The following BDNF variants were observed in gnomAD, a reference collection of about 807,000 sequenced individuals.
BDNF encodes the protein brain derived neurotrophic factor.
Under a neutral mutation model 19.5 loss-of-function variants are expected in BDNF, and 1 was observed. That is an observed-to-expected ratio of 0.05 (90% confidence interval 0.02 to 0.24). The LOEUF (loss-of-function observed/expected upper bound fraction) is 0.24, where lower values mean the gene tolerates loss of function less well. Among genes scored for constraint, BDNF ranks in the 10% least tolerant of loss-of-function variants. BDNF has a pLI of 1.00. For synonymous variants in BDNF, 100 were observed against 121.6 expected (o/e 0.82, Z 1.17); for missense variants, 195 against 317.6 (o/e 0.61, Z 2.93).
chr11:27,710,756 G>T (rs572627078), intron 1 of BDNF, among the ~76,000 whole-genome samples: 1 of 152,138 alleles, frequency 6.6e-6, no homozygotes, highest in Non-Finnish European at 1.5e-5. Context: ...GTAACAGTTC[G>T]CAAAGGCAAA....
upstream of BDNF, among the ~76,000 whole-genome samples, chr11:27,702,835 AC>A (rs1859962779): frequency 6.6e-6 from 1 of 152,236 alleles, no homozygotes; most frequent in Admixed American, 6.5e-5. Context: ...ACAGTGAAGT[AC>A]CAGGGACAAG....
In BDNF at chr11:27,658,189, C is replaced by A; in HGVS notation, c.376G>T (p.Val126Phe). ...CGGGCAGGGTCAGAGTGGCGCCGGA[C>A]CCTCATGGACATGTTTGCAGCATCT... Reference protein sequence around the residue: ...YLDAANMSMRVRRHSDPARRG... With the variant: ...YLDAANMSMRFRRHSDPARRG... The change falls in exon 2 of 2, where the codon GTC (valine) becomes TTC (phenylalanine). Residue 126 changes from valine to phenylalanine, a missense_variant. Val to Phe is a conservative substitution (Grantham distance 50, BLOSUM62 -1). Transcript: ENST00000356660. This position sits in a 1 kb window ranked among gnomAD's most constrained non-coding sequence, Gnocchi z 5.7. 2 of 1,614,090 alleles carry A rather than the reference C, an allele frequency of 1.2e-6. No individual in the cohort carries two copies. The highest frequency in any genetic ancestry group is 1.7e-6 in the Non-Finnish European group (2 of 1,180,030).
At chr11:27,717,510 T>A (rs1329612815) in intron 1 of BDNF, among the ~76,000 whole-genome samples, 4 of 152,224 alleles carry the variant, frequency 2.6e-5, no homozygotes, top group African/African-American at 9.6e-5. Context: ...GATGCTCATA[T>A]TCTCATCTGA....
chr11:27,676,053 G>C (rs1856053950), intron 1 of BDNF: 1 of 152,228 alleles, frequency 6.6e-6, no homozygotes, highest in African/African-American at 2.4e-5. Flanking sequence ...GCCATTGTCA[G>C]CTCTTGGAAG....
At position 27,656,939 on chromosome 11, in the gene BDNF, AGAG is replaced by A. The variant is rs1036370932; in HGVS notation, c.*879_*881del. On this transcript the variant is annotated 3_prime_UTR_variant, in exon 2 of 2. Coordinates refer to ENST00000356660, the MANE Select transcript of BDNF (RefSeq NM_001709.5). ...ATTTTTCTTCCTTAAAACAAAACAAAGAGGAGACCAGAGGGGGAGGGGGGGAAA... is the reference window on the plus strand; with the variant it reads ...ATTTTTCTTCCTTAAAACAAAACAAAGAGACCAGAGGGGGAGGGGGGGAAA... 5.1e-6 allele frequency: 5 copies of A among 985,262 alleles called. No individual in the cohort carries two copies. In the African/African-American group the frequency reaches 8.7e-5, roughly 17 times the overall value. The allele number at this position is 985,262 out of a possible 1,614,324, so 61.0% of individuals were successfully genotyped here.
chr11:27,701,399 G>T, upstream of BDNF: 6 of 1,033,720 alleles, frequency 5.8e-6, no homozygotes, highest in Non-Finnish European at 5.8e-6. Context: ...CGTTCCCTTC[G>T]CTTAATTAAA....
upstream of BDNF, chr11:27,700,519 C>CGGGGGGGGG: frequency 1.3e-6 from 1 of 759,758 alleles, no homozygotes; most frequent in Non-Finnish European, 1.5e-6. Context: ...CAAACGGCGC[C>CGGGGGGGGG]GCCCCCCCCC....
Position 27,656,449 on chromosome 11 carries a change from A to G in BDNF, c.*1372T>C. On this transcript the variant is annotated 3_prime_UTR_variant, in exon 2 of 2. Transcript: ENST00000356660. Reference sequence around the variant, plus strand: ...AGGTCCAAGCAGCTTGACACATGTCATTCCAGAGCCACCTCTGAAGGGTCC... The same window carrying G: ...AGGTCCAAGCAGCTTGACACATGTCGTTCCAGAGCCACCTCTGAAGGGTCC... The G allele has an allele frequency of 1.3e-5, 10 of 786,702 alleles. No individual in the cohort carries two copies. Among genetic ancestry groups the G allele is most frequent in the Non-Finnish European group, 1.5e-5 (10 of 648,462 alleles). 48.7% of individuals were successfully genotyped at this position (786,702 alleles called of 1,614,324 possible). A position where few individuals can be genotyped will look rare whatever the true frequency, so the allele number is the denominator to read the frequency against.
intron 1 of BDNF, chr11:27,719,591 C>T: frequency 1.0e-6 from 1 of 984,844 alleles, no homozygotes; most frequent in Non-Finnish European, 1.2e-6. Context: ...AAAGCGGGAA[C>T]CCTCTAAGCC....
intron 1 of BDNF, among the ~76,000 whole-genome samples, chr11:27,714,933 G>GAA (rs1397049540): frequency 6.6e-6 from 1 of 151,960 alleles, no homozygotes; most frequent in Non-Finnish European, 1.5e-5. Context: ...GTGTTCTCTT[G>GAA]AAAAAAGGAA....
At chr11:27,660,969 C>A (rs996682122) in intron 1 of BDNF, among the ~76,000 whole-genome samples, 4 of 152,144 alleles carry the variant, frequency 2.6e-5, no homozygotes, top group Non-Finnish European at 4.4e-5. Flanking sequence ...CTGCCTTTCA[C>A]TGATCTTATC....
intron 1 of BDNF, chr11:27,720,736 G>A: frequency 1.0e-6 from 1 of 986,050 alleles, no homozygotes; most frequent in African/African-American, 1.7e-5. Context: ...GGCACAGCAG[G>A]AGGAAAAGGC....
intron 1 of BDNF, among the ~76,000 whole-genome samples, chr11:27,661,961 A>G (rs1590235196): frequency 6.6e-6 from 1 of 151,884 alleles, no homozygotes; most frequent in African/African-American, 2.4e-5. Context: ...CTAAAATTCC[A>G]CATTACATCT....
At chr11:27,701,146 AT>A, upstream of BDNF, 1 of 1,237,560 alleles carries the variant, frequency 8.1e-7, no homozygotes, top group Non-Finnish European at 1.1e-6. Context: ...TAATAACAGC[AT>A]TTTTTATTGA....
intron 1 of BDNF, among the ~76,000 whole-genome samples, chr11:27,689,941 G>A (rs886442271): frequency 6.6e-6 from 1 of 151,990 alleles, no homozygotes; most frequent in Non-Finnish European, 1.5e-5. Flanking sequence ...TGTTCTCTCT[G>A]TTCAGCTCCC....
At chr11:27,696,923 G>A (rs1259899085) in intron 1 of BDNF, among the ~76,000 whole-genome samples, 1 of 152,158 alleles carries the variant, frequency 6.6e-6, no homozygotes, top group Non-Finnish European at 1.5e-5. Flanking sequence ...TATGCTGTCT[G>A]TTTTTATTCA....
chr11:27,696,581 G>T (rs975100697), intron 1 of BDNF: 1 of 150,062 alleles, frequency 6.7e-6, no homozygotes, highest in East Asian at 1.9e-4. Flanking sequence ...CACAGTTTGA[G>T]ATCACAGAGC....
At chr11:27,709,524 C>A (rs1860244230) in intron 1 of BDNF, among the ~76,000 whole-genome samples, 1 of 152,132 alleles carries the variant, frequency 6.6e-6, no homozygotes, top group Non-Finnish European at 1.5e-5. Context: ...TAAAATCTTG[C>A]ACAAACTGTC....
In BDNF at chr11:27,697,067, G is replaced by T. The variant is rs908193977; in HGVS notation, c.-22+3097C>A. On this transcript the variant is annotated intron_variant, in intron 1 of 1. Transcript: ENST00000356660. ...AAGTCTACGATTGAGACCCAAAGCT[G>T]CTGGCTGTGTTATATTTCACAGTTC... 4.0e-5 allele frequency among the ~76,000 whole-genome samples: 6 copies of T among 151,672 alleles called. No homozygotes were observed. In the South Asian group the frequency reaches 1.3e-3, roughly 32 times the overall value.
Sources: allele counts gnomAD v4.1 joint callset (sites outside exome capture counted in the v4.1 genomes callset), GRCh38; gene constraint gnomAD v4.1.1; non-coding constraint Gnocchi (gnomAD v3.1); transcripts MANE v1.5; gene names NCBI Gene and HGNC (gene_info 2026-07-23, HGNC 2026-07-21).